The following MINK1 variants were observed in gnomAD, a reference collection of about 807,000 sequenced individuals.
MINK1 encodes misshapen like kinase 1.
In MINK1, 46 loss-of-function variants were observed where a neutral mutation model predicts 178.4. That is an observed-to-expected ratio of 0.26 (90% CI 0.20 to 0.33). MINK1 has a LOEUF of 0.33. Among genes scored for constraint, MINK1 ranks in the 10% least tolerant of loss-of-function variants. MINK1 has a pLI of 1.00. For missense variants in MINK1, 1,366 were observed against 1,814.9 expected, an observed-to-expected ratio of 0.75 and a Z score of 4.49; for synonymous variants, 797 against 709.7, an observed-to-expected ratio of 1.12 and a Z score of -1.96.
At chr17:4,848,698 T>C (rs1005407823) in intron 1 of MINK1, among the ~76,000 whole-genome samples, 4 of 151,786 alleles carry the variant, frequency 2.6e-5, no homozygotes, top group Non-Finnish European at 5.9e-5. Context: ...GGTTTTGCCA[T>C]GTTGGCTAGG....
At chr17:4,878,941 G>A (rs576224201) in intron 2 of MINK1, among the ~76,000 whole-genome samples, 11 of 152,248 alleles carry the variant, frequency 7.2e-5, no homozygotes, top group African/African-American at 2.7e-4. Flanking sequence ...CAGCCCTCTC[G>A]TGTGGCCTGA....
At chr17:4,858,611 G>A (rs186925114) in intron 1 of MINK1, among the ~76,000 whole-genome samples, 9 of 151,892 alleles carry the variant, frequency 5.9e-5, no homozygotes, top group Admixed American at 5.2e-4. Flanking sequence ...TGAGTAGCTG[G>A]GATTACAGGC....
chr17:4,890,676 C>T lies in MINK1; in HGVS notation c.1507C>T (p.Pro503Ser). ...QQQLLPGDRK[P>S]LYHYGRGMNP... The stretch of plus-strand genomic sequence containing the variant: ...GCAGCTCCTGCCTGGGGACAGGAAG[C>T]CCCTGTACCATTATGGTCGGGGCAT... The change falls in exon 14 of 32, where the codon CCC (proline) becomes TCC (serine). Residue 503 changes from proline to serine, a missense_variant. Coordinates refer to ENST00000355280, the MANE Select transcript of MINK1 (RefSeq NM_153827.5). 1 of 1,551,050 alleles carries T rather than the reference C, an allele frequency of 6.4e-7. No homozygotes were observed. The highest frequency in any genetic ancestry group is 8.7e-7 in the Non-Finnish European group (1 of 1,147,052).
chr17:4,892,031 G>A (rs1252281654), intron 16 of MINK1, 118 bp from the exon 17 acceptor site: 6 of 881,312 alleles, frequency 6.8e-6, no homozygotes, highest in Admixed American at 2.5e-5. Context: ...TAACTCCCCT[G>A]AACCTCAGTT....
At chr17:4,881,587 G>A (rs1271824351) in intron 4 of MINK1, among the ~76,000 whole-genome samples, 1 of 152,210 alleles carries the variant, frequency 6.6e-6, no homozygotes, top group Non-Finnish European at 1.5e-5. Flanking sequence ...GAGAGAGACC[G>A]TGGGGAGGCC....
At chr17:4,875,973 T>G (rs1967147543) in intron 1 of MINK1, among the ~76,000 whole-genome samples, 1 of 151,680 alleles carries the variant, frequency 6.6e-6, no homozygotes, top group South Asian at 2.1e-4. Context: ...TTTTTTGTAT[T>G]TTTAGTAGAG....
rs1378284579 is a variant in MINK1 at position 4,833,656 on chromosome 17, C to A, written c.57+16C>A. On this transcript the variant is annotated intron_variant, in intron 1 of 31. Transcript: ENST00000355280. The surrounding 1 kb of genome is among the most constrained non-coding windows in gnomAD (Gnocchi z 4.8). ...CGCCCTGCGGGTGAGCGCGCCGTCC[C>A]CCAGCCTCGCCCTGGTTCCTGTCCC... The A allele has an allele frequency of 6.7e-7, 1 of 1,486,352 alleles. No homozygotes were observed. The highest frequency in any genetic ancestry group is 8.9e-7 in the Non-Finnish European group (1 of 1,123,826). 92.1% of individuals were successfully genotyped at this position (1,486,352 alleles called of 1,614,324 possible). A position where few individuals can be genotyped will look rare whatever the true frequency, so the allele number is the denominator to read the frequency against.
chr17:4,887,503 C>A lies in MINK1; in HGVS notation c.1020-77C>A. On this transcript the variant is annotated intron_variant, in intron 11 of 31. Coordinates refer to ENST00000355280, the MANE Select transcript of MINK1 (RefSeq NM_153827.5). This position sits in a 1 kb window ranked among gnomAD's most constrained non-coding sequence, Gnocchi z 7.6. ...CTTTGATCCAGTTAAAGCACCCACT[C>A]AGGCGGGCCCACGGGGTTGAGAGTG... is the stretch of plus-strand genomic sequence containing the variant. 1 of 1,329,630 alleles carries A rather than the reference C, an allele frequency of 7.5e-7. No homozygotes were observed. The highest frequency in any genetic ancestry group is 1.6e-5 in the South Asian group (1 of 63,398). 82.4% of individuals were successfully genotyped at this position (1,329,630 alleles called of 1,614,324 possible).
chr17:4,895,625 A>G lies in MINK1; in HGVS notation c.3230-73A>G. On this transcript the variant is annotated intron_variant, in intron 26 of 31. Coordinates refer to ENST00000355280, the MANE Select transcript of MINK1 (RefSeq NM_153827.5). The surrounding 1 kb of genome is among the most constrained non-coding windows in gnomAD (Gnocchi z 4.3). Reference sequence around the variant, plus strand: ...CTCACCCCTTGTGGTATGCTGACAGAGGAGGCCAGGGCGGTGGCATTCGGG... The same window carrying G: ...CTCACCCCTTGTGGTATGCTGACAGGGGAGGCCAGGGCGGTGGCATTCGGG... 1 of 1,578,076 alleles carries G rather than the reference A, an allele frequency of 6.3e-7. No homozygotes were observed. The highest frequency in any genetic ancestry group is 1.2e-5 in the South Asian group (1 of 86,588).
At chr17:4,845,418 G>A (rs184772745) in intron 1 of MINK1, among the ~76,000 whole-genome samples, 361 of 152,230 alleles carry the variant, frequency 2.4e-3, no homozygotes, top group Non-Finnish European at 3.7e-3. Flanking sequence ...GGGTCTGATG[G>A]GTAGGTGCTA....
rs534812007 is a variant in MINK1, at chr17:4,887,111, G to A, written c.951G>A (p.Glu317=). ...AACTGCAGTGGCCTCCCCCTGCAGA[G>A]GAGACAGAATATGAGTACAGCGGCA... ...DRSRKKRGEK[E]ETEYEYSGSE... The change falls in exon 11 of 32, where the codon GAG becomes GAA. Residue 317 remains glutamate, a splice_region_variant and synonymous_variant. Transcript: ENST00000355280. This position sits in a 1 kb window ranked among gnomAD's most constrained non-coding sequence, Gnocchi z 7.6. The A allele has an allele frequency of 2.5e-6, 4 of 1,593,742 alleles. No homozygotes were observed. In the East Asian group the frequency reaches 6.8e-5, roughly 27 times the overall value.
chr17:4,871,280 T>C (rs1361180722), intron 1 of MINK1, among the ~76,000 whole-genome samples: 1 of 149,636 alleles, frequency 6.7e-6, no homozygotes, highest in East Asian at 2.0e-4. Flanking sequence ...TGCCTTCCGC[T>C]CCTGGGCTCA....
intron 1 of MINK1, among the ~76,000 whole-genome samples, chr17:4,840,277 C>G (rs1426592944): frequency 6.6e-6 from 1 of 152,006 alleles, no homozygotes; most frequent in East Asian, 1.9e-4. Flanking sequence ...TGGGGCCATT[C>G]TTATGGTGAA....
rs1462361524 is a variant in MINK1 at position 4,895,592 on chromosome 17, C to A, written c.3229+99C>A. 4.5e-6 allele frequency: 7 copies of A among 1,547,054 alleles called. No homozygotes were observed. In the East Asian group the frequency reaches 1.1e-4, roughly 25 times the overall value. On this transcript the variant is annotated intron_variant, in intron 26 of 31. Transcript: ENST00000355280. This position sits in a 1 kb window ranked among gnomAD's most constrained non-coding sequence, Gnocchi z 4.3. ...GAGGGCAGGCACTGGAAGGTGGGGC[C>A]ACACTTTCTCACCCCTTGTGGTATG...
rs1281547706 is a variant in MINK1 at position 4,894,977 on chromosome 17, T to C, written c.2918-98T>C. The C allele has an allele frequency of 1.6e-6, 2 of 1,278,236 alleles. No individual in the cohort carries two copies. Among genetic ancestry groups the C allele is most frequent in the East Asian group, 2.4e-5 (1 of 40,868 alleles). 79.2% of individuals were successfully genotyped at this position (1,278,236 alleles called of 1,614,324 possible). A position where few individuals can be genotyped will look rare whatever the true frequency, so the allele number is the denominator to read the frequency against. ...TCCTGTCTTTCTCCTCCTTTCTGCGTATTATGAGGTGCCAAGACCTGATAT... is the reference window on the plus strand; with the variant it reads ...TCCTGTCTTTCTCCTCCTTTCTGCGCATTATGAGGTGCCAAGACCTGATAT... On this transcript the variant is annotated intron_variant, in intron 24 of 31. Transcript: ENST00000355280. The surrounding 1 kb of genome is among the most constrained non-coding windows in gnomAD (Gnocchi z 4.1).
rs1388036602 is a variant in MINK1, at chr17:4,893,065, G to A, written c.2398G>A (p.Ala800Thr). The A allele has an allele frequency of 3.8e-6, 6 of 1,560,120 alleles. No homozygotes were observed. The highest frequency in any genetic ancestry group is 2.4e-5 in the South Asian group (2 of 84,750). ...CCACCGCTCACGGCCAGGCCGGCCC[G>A]CAGTGAGTCACCTGGTGGCAGGCAT... ...DDHRSRPGRP[A>T]DFVLLKERTL... The change falls in exon 20 of 32, where the codon GCA becomes ACA. Residue 800 changes from alanine (A) to threonine (T), a missense_variant and splice_region_variant. Coordinates refer to ENST00000355280, the MANE Select transcript of MINK1 (RefSeq NM_153827.5).
At chr17:4,890,443 A>C (rs1968675177) in intron 13 of MINK1, 74 bp from the exon 14 acceptor site, 1 of 1,515,316 alleles carries the variant, frequency 6.6e-7, no homozygotes, top group Non-Finnish European at 8.9e-7. Flanking sequence ...CAGTTGGAGA[A>C]AAGAGAGGGC....
chr17:4,889,660 A>G lies in MINK1; in HGVS notation c.1244A>G (p.Glu415Gly). ...RRRVEEQQRR[E>G]REQRKLQEKE... ...CTCTCCCCACAGCAACAGCGGCGGGAGCGGGAGCAGCGGAAGCTGCAGGAG... is the reference window on the plus strand; with the variant it reads ...CTCTCCCCACAGCAACAGCGGCGGGGGCGGGAGCAGCGGAAGCTGCAGGAG... The change falls in exon 13 of 32, where the codon GAG becomes GGG. Residue 415 changes from glutamate to glycine, a missense_variant. By Grantham distance (98) the Glu-to-Gly change is moderately conservative. Transcript: ENST00000355280. The G allele has an allele frequency of 6.4e-7, 1 of 1,564,070 alleles. No homozygotes were observed. The highest frequency in any genetic ancestry group is 1.9e-5 in the Admixed American group (1 of 52,924).
chr17:4,869,080 C>T (rs978967568), intron 1 of MINK1, among the ~76,000 whole-genome samples: 5 of 151,854 alleles, frequency 3.3e-5, no homozygotes, highest in Non-Finnish European at 5.9e-5. Context: ...CCAGCCACCA[C>T]GCCCGGCTAA....
Sources: allele counts gnomAD v4.1 joint callset (sites outside exome capture counted in the v4.1 genomes callset), GRCh38; gene constraint gnomAD v4.1.1; non-coding constraint Gnocchi (gnomAD v3.1); transcripts MANE v1.5; gene names NCBI Gene and HGNC (gene_info 2026-07-23, HGNC 2026-07-21).